SPIDR: variants seen among roughly 807,000 people sequenced by gnomAD.
The protein encoded by SPIDR is scaffold protein involved in DNA repair, also known as DNA repair-scaffolding protein.
SPIDR carries 93 observed loss-of-function variants against 104.6 expected under a neutral mutation model. The ratio of observed to expected loss-of-function variants is 0.89; its 90% CI spans 0.75 to 1.06. The LOEUF (loss-of-function observed/expected upper bound fraction) is 1.06. Ranked by LOEUF, SPIDR falls within the 50% of genes least tolerant of loss-of-function variation. The pLI is 0.00. For synonymous variants in SPIDR, 431 were observed against 416.9 expected (o/e 1.03, Z -0.41); for missense variants, 1,154 against 1,111.2 (o/e 1.04, Z -0.55).
At chr8:47,568,178 C>T (rs952567003) in intron 8 of SPIDR, among the ~76,000 whole-genome samples, 5 of 151,958 alleles carry the variant, frequency 3.3e-5, no homozygotes, top group Non-Finnish European at 5.9e-5. Flanking sequence ...TTGGTAGTTA[C>T]GAGCATGAAT....
At chr8:47,663,304 C>G (rs1441122378) in intron 10 of SPIDR, among the ~76,000 whole-genome samples, 1 of 152,242 alleles carries the variant, frequency 6.6e-6, no homozygotes, top group Non-Finnish European at 1.5e-5. Context: ...CTTCCTATCA[C>G]TCACACAGTC....
intron 10 of SPIDR, among the ~76,000 whole-genome samples, chr8:47,620,368 G>A (rs775989387): frequency 1.7e-4 from 26 of 150,572 alleles, no homozygotes; most frequent in Non-Finnish European, 3.1e-4. Flanking sequence ...TCTGCATCCC[G>A]GGTTCAAGCA....
At chr8:47,659,646 G>T in intron 10 of SPIDR, 1 of 854,594 alleles carries the variant, frequency 1.2e-6, no homozygotes, top group Non-Finnish European at 1.4e-6. Flanking sequence ...CCTCGCTCTG[G>T]CCCTTCTCGC....
At chr8:47,707,428 G>T (rs2081252068) in intron 14 of SPIDR, among the ~76,000 whole-genome samples, 1 of 152,038 alleles carries the variant, frequency 6.6e-6, no homozygotes, top group African/African-American at 2.4e-5. Context: ...GTCTAATTGG[G>T]TTGCTTGTTT....
chr8:47,592,579 CT>C, intron 8 of SPIDR: 1 of 1,270,890 alleles, frequency 7.9e-7, no homozygotes, highest in East Asian at 2.3e-5. Flanking sequence ...CCTGGGTTTC[CT>C]TGATGATCCT....
chr8:47,335,327 G>T (rs2049485356), intron 5 of SPIDR, among the ~76,000 whole-genome samples: 1 of 151,912 alleles, frequency 6.6e-6, no homozygotes, highest in Non-Finnish European at 1.5e-5. Context: ...CTCAATTTTT[G>T]TTCATCTGAC....
intron 8 of SPIDR, chr8:47,527,276 G>GA (rs2085162036): frequency 6.6e-6 from 1 of 152,128 alleles, no homozygotes; most frequent in African/African-American, 2.4e-5. Flanking sequence ...TGGGGGGAAG[G>GA]AAAAACGCCA....
chr8:47,604,845 C>T (rs571823778), intron 10 of SPIDR, among the ~76,000 whole-genome samples: 2 of 152,354 alleles, frequency 1.3e-5, no homozygotes, highest in African/African-American at 4.8e-5. Context: ...GAAAGCTGGA[C>T]GTACATACCT....
chr8:47,388,632 C>G (rs1284035156), intron 5 of SPIDR: 1 of 152,842 alleles, frequency 6.5e-6, no homozygotes, highest in Non-Finnish European at 1.5e-5. Context: ...GGTCAGTTGT[C>G]TACCTGAGGC....
intron 5 of SPIDR, among the ~76,000 whole-genome samples, chr8:47,392,148 A>T (rs536855348): frequency 6.6e-6 from 1 of 152,188 alleles, no homozygotes; most frequent in East Asian, 1.9e-4. Context: ...CTAAATGCTT[A>T]TATGTTAGCA....
At chr8:47,287,516 A>G (rs1047338626) in intron 3 of SPIDR, among the ~76,000 whole-genome samples, 8 of 152,146 alleles carry the variant, frequency 5.3e-5, no homozygotes, top group Admixed American at 1.3e-4. Flanking sequence ...CGCATAAGAC[A>G]GACACTCCCA....
chr8:47,675,043 A>G (rs2076245852), intron 11 of SPIDR, among the ~76,000 whole-genome samples: 2 of 151,612 alleles, frequency 1.3e-5, no homozygotes, highest in African/African-American at 2.4e-5. Context: ...GTCTTGTTTT[A>G]TTTTGTTTTT....
At chr8:47,685,052 C>G (rs959008217) in intron 11 of SPIDR, among the ~76,000 whole-genome samples, 2 of 152,102 alleles carry the variant, frequency 1.3e-5, no homozygotes, top group Non-Finnish European at 2.9e-5. Context: ...AACCCTGTCT[C>G]TACTGAAAAT....
intron 10 of SPIDR, among the ~76,000 whole-genome samples, chr8:47,606,952 C>T (rs1460564772): frequency 6.6e-6 from 1 of 152,226 alleles, no homozygotes; most frequent in African/African-American, 2.4e-5. Context: ...GAAGGGAAGA[C>T]AGCTCCCTCG....
chr8:47,596,134 T>A, intron 9 of SPIDR, 128 bp downstream of exon 9: 3 of 753,078 alleles, frequency 4.0e-6, no homozygotes, highest in Non-Finnish European at 2.1e-6. Context: ...CAAGGATGTA[T>A]GCTGCATGAA....
chr8:47,270,227 A>G (rs1274085249), intron 1 of SPIDR, among the ~76,000 whole-genome samples: 23 of 152,166 alleles, frequency 1.5e-4, no homozygotes, highest in African/African-American at 5.1e-4. Flanking sequence ...GTTTCTTAAA[A>G]TGTTTGGTAT....
chr8:47,499,299 A>G (rs1176192683), intron 8 of SPIDR, among the ~76,000 whole-genome samples: 3 of 152,192 alleles, frequency 2.0e-5, no homozygotes, highest in African/African-American at 2.4e-5. Flanking sequence ...CTTTTAGAAT[A>G]TAGACTGGTA....
chr8:47,403,507 T>C (rs2062224849), intron 6 of SPIDR, among the ~76,000 whole-genome samples: 1 of 152,230 alleles, frequency 6.6e-6, no homozygotes, highest in Non-Finnish European at 1.5e-5. Context: ...TTCAGCAAAG[T>C]CTTGGGATAC....
At chr8:47,360,258 A>AG (rs2055554193) in intron 5 of SPIDR, among the ~76,000 whole-genome samples, 1 of 149,852 alleles carries the variant, frequency 6.7e-6, no homozygotes, top group Non-Finnish European at 1.5e-5. Context: ...AAAAAAAAAA[A>AG]AAAAAAAAAA....
Sources: gnomAD v4.1 joint callset for allele counts (sites outside exome capture counted in the v4.1 genomes callset) on GRCh38, gnomAD v4.1.1 for gene constraint, MANE v1.5 for transcripts, NCBI Gene and HGNC (gene_info 2026-07-23, HGNC 2026-07-21) for gene names.